The following B3GALT1 variants were observed in gnomAD, a reference collection of about 807,000 sequenced individuals.
B3GALT1 encodes the protein beta-1,3-galactosyltransferase 1.
Under a neutral mutation model 23.2 loss-of-function variants are expected in B3GALT1, and 10 were observed. The ratio of observed to expected loss-of-function variants is 0.43; its 90% confidence interval spans 0.27 to 0.73. The LOEUF (loss-of-function observed/expected upper bound fraction) is 0.73, where lower values mean the gene tolerates loss of function less well. Ranked by LOEUF, B3GALT1 falls within the 30% of genes least tolerant of loss-of-function variation. The pLI is 0.21. For synonymous variants in B3GALT1, 156 were observed against 141.5 expected (o/e 1.10, Z -0.73); for missense variants, 299 against 405.4 (o/e 0.74, Z 2.25).
intron 1 of B3GALT1, among the ~76,000 whole-genome samples, chr2:167,408,410 C>CATACTGAACAGGA (rs1698341836): frequency 6.6e-6 from 1 of 152,134 alleles, no homozygotes; most frequent in Non-Finnish European, 1.5e-5. Flanking sequence ...CTGCTAACAT[C>CATACTGAACAGGA]ATACTGAACA....
At chr2:167,671,499 A>G (rs774588931) in intron 3 of B3GALT1, among the ~76,000 whole-genome samples, 8 of 152,206 alleles carry the variant, frequency 5.3e-5, no homozygotes, top group Admixed American at 1.3e-4. Flanking sequence ...ACAAATCAAT[A>G]AGAGAAAAAC....
At chr2:167,321,584 C>T (rs1398407622) in intron 1 of B3GALT1, among the ~76,000 whole-genome samples, 2 of 152,028 alleles carry the variant, frequency 1.3e-5, no homozygotes, top group Non-Finnish European at 2.9e-5. Flanking sequence ...GCATTCCCAG[C>T]AATCCATTGA....
At chr2:167,610,357 C>A (rs1307117745) in intron 2 of B3GALT1, among the ~76,000 whole-genome samples, 1 of 152,054 alleles carries the variant, frequency 6.6e-6, no homozygotes, top group Non-Finnish European at 1.5e-5. Flanking sequence ...TTCTCTTATG[C>A]ACATTGGAAA....
At chr2:167,460,871 G>C (rs1412327335) in intron 1 of B3GALT1, among the ~76,000 whole-genome samples, 1 of 152,146 alleles carries the variant, frequency 6.6e-6, no homozygotes, top group Non-Finnish European at 1.5e-5. Flanking sequence ...TCTTTTCTGA[G>C]CCTGTGCCTT....
At chr2:167,716,027 C>CTT (rs1287584784) in intron 3 of B3GALT1, 2 of 1,609,338 alleles carry the variant, frequency 1.2e-6, no homozygotes, top group African/African-American at 2.7e-5. Flanking sequence ...CCAGGACCAG[C>CTT]CCCAAGTAGG....
rs116911943 is a variant in B3GALT1 at position 167,461,445 on chromosome 2, A to G, written c.-510-28732A>G. Among the ~76,000 whole-genome samples, 559 of 152,242 alleles carry G rather than the reference A, an allele frequency of 3.7e-3. 26 individuals are homozygous for G. In the East Asian group the frequency reaches 0.098, roughly 27 times the overall value. The stretch of plus-strand genomic sequence containing the variant: ...GGGAGACAGATTCCTGGTGCTTCCT[A>G]CTTCACCATCTTTCTAGAACCCTCT... On this transcript the variant is annotated intron_variant, in intron 1 of 4. Transcript: ENST00000392690.
At chr2:167,728,647 T>G (rs1687358731) in intron 3 of B3GALT1, among the ~76,000 whole-genome samples, 1 of 152,220 alleles carries the variant, frequency 6.6e-6, no homozygotes, top group Admixed American at 6.5e-5. Flanking sequence ...ATTTCCCAGT[T>G]TCATGAATGT....
At chr2:167,697,869 TCA>T (rs528278324) in intron 3 of B3GALT1, among the ~76,000 whole-genome samples, 18 of 152,302 alleles carry the variant, frequency 1.2e-4, no homozygotes, top group African/African-American at 3.6e-4. Context: ...CATGAGGAAA[TCA>T]CAGTTTTACC....
intron 3 of B3GALT1, among the ~76,000 whole-genome samples, chr2:167,666,640 T>G (rs1423973106): frequency 6.6e-6 from 1 of 152,134 alleles, no homozygotes. Context: ...GCTCCTGTAT[T>G]GGGTGCATAT....
chr2:167,537,672 G>T (rs1232447909), intron 2 of B3GALT1, among the ~76,000 whole-genome samples: 1 of 151,834 alleles, frequency 6.6e-6, no homozygotes, highest in Non-Finnish European at 1.5e-5. Context: ...TCCCTCAACT[G>T]TACCTCAGAA....
chr2:167,569,493 C>T (rs975635811), intron 2 of B3GALT1, among the ~76,000 whole-genome samples: 1 of 151,890 alleles, frequency 6.6e-6, no homozygotes, highest in South Asian at 2.1e-4. Flanking sequence ...CTAAATTCCA[C>T]TTGTGCCTTG....
At chr2:167,718,725 C>A (rs916979139) in intron 3 of B3GALT1, among the ~76,000 whole-genome samples, 1 of 151,356 alleles carries the variant, frequency 6.6e-6, no homozygotes, top group Non-Finnish European at 1.5e-5. Flanking sequence ...AGGGCATGAT[C>A]TAATGGTCAT....
chr2:167,834,559 A>G (rs897271869), intron 4 of B3GALT1, among the ~76,000 whole-genome samples: 7 of 152,184 alleles, frequency 4.6e-5, no homozygotes, highest in Non-Finnish European at 1.0e-4. Context: ...ACTTTCTACA[A>G]ATGTTCTCCC....
intron 4 of B3GALT1, among the ~76,000 whole-genome samples, chr2:167,851,201 T>TAGAG (rs10645670): frequency 0.49 from 74,265 of 151,342 alleles, 20,487 homozygotes; most frequent in African/African-American, 0.74. Flanking sequence ...AATACACTGT[T>TAGAG]AGAGGTTAAA....
chr2:167,635,264 G>A (rs1198376660), intron 2 of B3GALT1, among the ~76,000 whole-genome samples: 1 of 152,088 alleles, frequency 6.6e-6, no homozygotes, highest in Non-Finnish European at 1.5e-5. Context: ...GCAAAAGCTG[G>A]AAGCATCCCC....
intron 2 of B3GALT1, among the ~76,000 whole-genome samples, chr2:167,596,376 G>C (rs1391583648): frequency 2.0e-5 from 3 of 152,184 alleles, no homozygotes; most frequent in Non-Finnish European, 1.5e-5. Context: ...GAGGCAGTGT[G>C]CTGTAGTTGA....
intron 2 of B3GALT1, among the ~76,000 whole-genome samples, chr2:167,623,111 A>G (rs934665912): frequency 6.6e-6 from 1 of 152,190 alleles, no homozygotes; most frequent in Non-Finnish European, 1.5e-5. Flanking sequence ...TTGAAAAGTC[A>G]AGAAACAACA....
chr2:167,675,673 C>G (rs1298002742), intron 3 of B3GALT1, among the ~76,000 whole-genome samples: 2 of 152,166 alleles, frequency 1.3e-5, no homozygotes, highest in Non-Finnish European at 2.9e-5. Flanking sequence ...CCCAAAAACT[C>G]TGACCAAGAT....
intron 1 of B3GALT1, among the ~76,000 whole-genome samples, chr2:167,404,414 A>C (rs2105291088): frequency 6.6e-6 from 1 of 152,320 alleles, no homozygotes; most frequent in East Asian, 1.9e-4. Context: ...TGACAAAAAT[A>C]AAATGGACTA....
Sources: gnomAD v4.1 joint callset for allele counts (sites outside exome capture counted in the v4.1 genomes callset) on GRCh38, gnomAD v4.1.1 for gene constraint, MANE v1.5 for transcripts, NCBI Gene and HGNC (gene_info 2026-07-23, HGNC 2026-07-21) for gene names.